Variants in RPS3A observed in about 807,000 individuals in gnomAD.
RPS3A encodes ribosomal protein S3A.
Under a neutral mutation model 26.4 loss-of-function variants are expected in RPS3A, and 1 was observed. The observed-to-expected ratio is 0.04, with a 90% CI of 0.01 to 0.18. The LOEUF (loss-of-function observed/expected upper bound fraction) is 0.18, where lower values mean the gene tolerates loss of function less well. Ranked by LOEUF, RPS3A falls within the 10% of genes least tolerant of loss-of-function variation. The probability of loss-of-function intolerance (pLI) is 1.00; values close to 1 mark genes in which losing one functional copy is unlikely to be tolerated. For missense variants in RPS3A, 139 were observed against 326.8 expected, an observed-to-expected ratio of 0.43 and a Z score of 4.43; for synonymous variants, 97 against 106.1, an observed-to-expected ratio of 0.91 and a Z score of 0.53.
chr4:151,102,038 C>T (rs370064042), intron 3 of RPS3A: 18 of 517,490 alleles, frequency 3.5e-5, no homozygotes, highest in Non-Finnish European at 5.4e-5. Context: ...TGGCACAGTT[C>T]GAATATTTTG....
chr4:151,104,149 A>G (rs751706532), intron 4 of RPS3A, 28 bp from the exon 5 acceptor site: 3 of 1,587,096 alleles, frequency 1.9e-6, no homozygotes, highest in East Asian at 4.5e-5. Context: ...GGACTTTTAG[A>G]AAAAAATTTA....
In RPS3A at chr4:151,103,951, A is replaced by C. The variant is rs149504742; in HGVS notation, c.564-226A>C. The C allele has an allele frequency of 1.7e-3, 2,604 of 1,523,272 alleles. 31 individuals carry two copies. The highest frequency in any genetic ancestry group is 1.1e-3 in the Non-Finnish European group (1,230 of 1,127,670). 94.4% of individuals were successfully genotyped at this position (1,523,272 alleles called of 1,614,324 possible). Reference sequence around the variant, plus strand: ...TGGAAAAAGCATAAGGCTTGGACTCAGAAGACTCTACTAACTTTGCCACTA... The same window carrying C: ...TGGAAAAAGCATAAGGCTTGGACTCCGAAGACTCTACTAACTTTGCCACTA... On this transcript the variant is annotated intron_variant, in intron 4 of 5. Transcript: ENST00000274065.
Position 151,099,880 on chromosome 4 carries a change from A to G in RPS3A, c.62+166A>G. On this transcript the variant is annotated intron_variant, in intron 1 of 5. Coordinates refer to ENST00000274065, the MANE Select transcript of RPS3A (RefSeq NM_001006.5). ...GCGGCCTGGAGGGTCGGTGTTGAGT[A>G]GCGGCAGGTCGGCTGCCTTTCCCAG... 3 of 720,240 alleles carry G rather than the reference A, an allele frequency of 4.2e-6. 1 individual carries two copies. The Middle Eastern group carries it at 7.2e-4, about 174-fold the overall frequency. The allele number at this position is 720,240 out of a possible 1,614,324, so 44.6% of individuals were successfully genotyped here.
rs191736621 is a variant in RPS3A at position 151,100,450 on chromosome 4, C to G, written c.63-35C>G. 53 of 1,132,528 alleles carry G rather than the reference C, an allele frequency of 4.7e-5. No homozygotes were observed. The East Asian group carries it at 8.9e-4, about 19-fold the overall frequency. The allele number at this position is 1,132,528 out of a possible 1,614,324, so 70.2% of individuals were successfully genotyped here. On this transcript the variant is annotated intron_variant, in intron 1 of 5. Transcript: ENST00000274065. ...AGTGAAAAATACAGTAAGAATTGAT[C>G]TGCAATGGAACTTAAGCATCTTCTT...
rs773415595 is a variant in RPS3A at position 151,099,731 on chromosome 4, G to T, written c.62+17G>T. 1.2e-6 allele frequency: 2 copies of T among 1,607,546 alleles called. No individual in the cohort carries two copies. Among genetic ancestry groups the T allele is most frequent in the Non-Finnish European group, 1.7e-6 (2 of 1,176,842 alleles). On this transcript the variant is annotated intron_variant, in intron 1 of 5. Transcript: ENST00000274065. ...GAAGAAAGTGTAAGTCGCGACTGTC[G>T]TGGCGTCTTGCTTTTTGGGGGTCTG... is the stretch of plus-strand genomic sequence containing the variant.
intron 4 of RPS3A, chr4:151,103,817 G>T: frequency 7.3e-7 from 1 of 1,362,800 alleles, no homozygotes. Context: ...CATGATTAAT[G>T]ATGCACGGGA....
chr4:151,101,843 A>T (rs1342124473), intron 3 of RPS3A, among the ~76,000 whole-genome samples: 2 of 151,928 alleles, frequency 1.3e-5, no homozygotes, highest in African/African-American at 2.4e-5. Context: ...AGGGATTCTC[A>T]TGCCTCAGCC....
intron 3 of RPS3A, chr4:151,102,146 T>C: frequency 2.1e-6 from 1 of 484,586 alleles, no homozygotes; most frequent in Non-Finnish European, 4.1e-6. Flanking sequence ...GGCTTTATGG[T>C]TTACATTTCT....
At chr4:151,100,113 G>A in intron 1 of RPS3A, 1 of 516,112 alleles carries the variant, frequency 1.9e-6, no homozygotes, top group South Asian at 1.6e-5. Context: ...GCGAGCTCCT[G>A]CTAAGCTTTG....
chr4:151,101,428 G>A (rs1169203272), intron 3 of RPS3A, among the ~76,000 whole-genome samples: 1 of 152,148 alleles, frequency 6.6e-6, no homozygotes, highest in Non-Finnish European at 1.5e-5. Context: ...TAGATTAGTG[G>A]TTTTTTGAGG....
At chr4:151,103,850 G>C in intron 4 of RPS3A, 1 of 1,393,850 alleles carries the variant, frequency 7.2e-7, no homozygotes, top group South Asian at 1.1e-5. Flanking sequence ...AAAAGTTTCG[G>C]TCCCAGATGA....
chr4:151,103,735 C>G, intron 4 of RPS3A: 2 of 1,140,316 alleles, frequency 1.8e-6, no homozygotes, highest in Non-Finnish European at 2.2e-6. Context: ...GACCCTGTCC[C>G]AAAAAATAAA....
rs976630697 is a variant in RPS3A, at chr4:151,103,736, A to G, written c.564-441A>G. On this transcript the variant is annotated intron_variant, in intron 4 of 5. Coordinates refer to ENST00000274065, the MANE Select transcript of RPS3A (RefSeq NM_001006.5). ...GGGCAATATAGGGAGACCCTGTCCC[A>G]AAAAATAAAAAATATACGTATATAT... 3.5e-6 allele frequency: 4 copies of G among 1,144,884 alleles called. No homozygotes were observed. In the Admixed American group the frequency reaches 1.2e-4, roughly 35 times the overall value. 70.9% of individuals were successfully genotyped at this position (1,144,884 alleles called of 1,614,324 possible).
intron 3 of RPS3A, 87 bp downstream of exon 3, chr4:151,101,249 TTTTA>T (rs1418097247): frequency 2.0e-5 from 15 of 755,488 alleles, no homozygotes; most frequent in Non-Finnish European, 3.0e-5. Context: ...AGCAAGTTCA[TTTTA>T]TTTATTTATT....
At chr4:151,103,919 G>A in intron 4 of RPS3A, 6 of 1,495,004 alleles carry the variant, frequency 4.0e-6, no homozygotes, top group Non-Finnish European at 5.4e-6. Flanking sequence ...TAGCTAAGAG[G>A]GTGTAATGGA....
At chr4:151,099,814 TC>T (rs1747034455) in intron 1 of RPS3A, 100 bp downstream of exon 1, 2 of 1,315,514 alleles carry the variant, frequency 1.5e-6, no homozygotes, top group Admixed American at 4.0e-5. Flanking sequence ...AGGATTCCAG[TC>T]GGATTGTGCG....
Position 151,100,573 on chromosome 4 carries a change from A to C in RPS3A, c.151A>C (p.Arg51=). The change falls in exon 2 of 6, where the codon AGG becomes CGG. Residue 51 remains arginine, a synonymous_variant. Transcript: ENST00000274065. ...IRNIGKTLVT[R]TQGTKIASDG... ...AAATATTGGAAAGACGCTCGTCACC[A>C]GGACCCAAGGAACCAGTAAGTAGCT... is the stretch of plus-strand genomic sequence containing the variant. The C allele has an allele frequency of 6.3e-7, 1 of 1,586,366 alleles. No homozygotes were observed. The highest frequency in any genetic ancestry group is 8.7e-7 in the Non-Finnish European group (1 of 1,154,686).
At chr4:151,101,222 G>A (rs948426979) in intron 3 of RPS3A, 60 bp downstream of exon 3, 1 of 982,174 alleles carries the variant, frequency 1.0e-6, no homozygotes, top group Non-Finnish European at 1.5e-6. Context: ...GGATAGCATG[G>A]TTTGATGACT....
intron 1 of RPS3A, 26 bp downstream of exon 1, chr4:151,099,740 T>C (rs745661568): frequency 2.5e-6 from 4 of 1,604,270 alleles, no homozygotes; most frequent in Non-Finnish European, 3.4e-6. Context: ...CGTGGCGTCT[T>C]GCTTTTTGGG....
Sources: gnomAD v4.1 joint callset for allele counts (sites outside exome capture counted in the v4.1 genomes callset) on GRCh38, gnomAD v4.1.1 for gene constraint, MANE v1.5 for transcripts, NCBI Gene and HGNC (gene_info 2026-07-23, HGNC 2026-07-21) for gene names.